Variants in HLA-G observed in about 807,000 individuals in gnomAD.
HLA-G encodes the protein HLA class I histocompatibility antigen, alpha chain G.
A neutral mutation model predicts 39.3 loss-of-function variants in HLA-G; 34 were observed. The observed-to-expected ratio is 0.86, with a 90% CI of 0.66 to 1.15. HLA-G has a LOEUF of 1.15. HLA-G is among the 50% of genes most tolerant of loss of function. The pLI is 0.00. For missense variants in HLA-G, 419 were observed against 456.4 expected, an observed-to-expected ratio of 0.92 and a Z score of 0.75; for synonymous variants, 183 against 185.8, an observed-to-expected ratio of 0.99 and a Z score of 0.12.
upstream of HLA-G, chr6:29,826,925 AC>A: frequency 2.1e-6 from 1 of 471,918 alleles, no homozygotes; most frequent in Non-Finnish European, 4.4e-6. Context: ...AACACTTACA[AC>A]TGTGAGGTGA....
rs1318573438 is a variant in HLA-G at position 29,828,111 on chromosome 6, C to T, written c.138C>T (p.Phe46=). ...VSRPGRGEPR[F]IAMGYVDDTQ... ...GGCCCGGCCGCGGGGAGCCCCGCTT[C>T]ATCGCCATGGGCTACGTGGACGACA... Residue 46 remains phenylalanine (F), a synonymous_variant, in exon 2 of 7, where the codon TTC becomes TTT. Coordinates refer to ENST00000360323, the MANE Select transcript of HLA-G (RefSeq NM_001384290.1). 3 of 1,613,012 alleles carry T rather than the reference C, an allele frequency of 1.9e-6. No homozygotes were observed. The highest frequency in any genetic ancestry group is 2.5e-6 in the Non-Finnish European group (3 of 1,179,786).
rs1197907329 is a variant in HLA-G at position 29,829,538 on chromosome 6, A to ACCAGACCCTGGTCCTGGAGCT, written c.748_749insTGGTCCTGGAGCTCCAGACCC (p.Thr249_Gln250insLeuValLeuGluLeuGlnThr). On this transcript the variant is annotated inframe_insertion, in exon 4 of 7. Transcript: ENST00000360323. ...CTGACCTGGCAGCGGGATGGGGAGG[A>ACCAGACCCTGGTCCTGGAGCT]CCAGACCCAGGACGTGGAGCTCGTG... 6.2e-7 allele frequency: 1 copy of ACCAGACCCTGGTCCTGGAGCT among 1,613,774 alleles called. No homozygotes were observed. Among genetic ancestry groups the ACCAGACCCTGGTCCTGGAGCT allele is most frequent in the Admixed American group, 1.7e-5 (1 of 59,988 alleles).
At chr6:29,829,973 C>A in intron 5 of HLA-G, 41 bp downstream of exon 5, 1 of 1,427,826 alleles carries the variant, frequency 7.0e-7, no homozygotes, top group South Asian at 1.2e-5. Flanking sequence ...TTTTCTTGTC[C>A]CACTGGGGGT....
In HLA-G at chr6:29,828,728, G is replaced by T. The variant is rs1554266536; in HGVS notation, c.529G>T (p.Ala177Ser). 4.3e-6 allele frequency: 7 copies of T among 1,613,924 alleles called. No individual in the cohort carries two copies. The highest frequency in any genetic ancestry group is 5.9e-6 in the Non-Finnish European group (7 of 1,180,036). Reference sequence around the variant, plus strand: ...GCGCAAGTGTGAGGCGGCCAATGTGGCTGAACAAAGGAGAGCCTACCTGGA... The same window carrying T: ...GCGCAAGTGTGAGGCGGCCAATGTGTCTGAACAAAGGAGAGCCTACCTGGA... The part of the protein sequence containing the change: ...SKRKCEAANV[A>S]EQRRAYLEGT... The change falls in exon 3 of 7, where the codon GCT (alanine) becomes TCT (serine). Residue 177 changes from alanine (A) to serine (S), a missense_variant. Around this residue, in one of 2 missense-constraint regions of HLA-G, gnomAD observed 328 missense variants for 323.0 expected, o/e 1.02. Transcript: ENST00000360323.
chr6:29,829,132 T>G (rs1174814368), intron 3 of HLA-G, among the ~76,000 whole-genome samples: 2 of 152,172 alleles, frequency 1.3e-5, no homozygotes, highest in African/African-American at 2.4e-5. Flanking sequence ...GGCCTTGTTC[T>G]CTGCCTCACA....
chr6:29,828,577 C>T lies in HLA-G; in HGVS notation c.378C>T (p.Asp126=), dbSNP rs1760924623. ...SHTLQWMIGC[D]LGSDGRLLRG... ...CCCTCCAGTGGATGATTGGCTGCGA[C>T]CTGGGGTCCGACGGACGCCTCCTCC... The change falls in exon 3 of 7, where the codon GAC becomes GAT. Residue 126 remains aspartate (D), a synonymous_variant. Transcript: ENST00000360323. 1.4e-5 allele frequency: 23 copies of T among 1,613,020 alleles called. No homozygotes were observed. Among genetic ancestry groups the T allele is most frequent in the Non-Finnish European group, 1.9e-5 (23 of 1,179,972 alleles).
Position 29,830,949 on chromosome 6 carries a change from C to T in HLA-G, c.*210C>T, listed in dbSNP as rs1178024352. On this transcript the variant is annotated 3_prime_UTR_variant, in exon 7 of 7. Transcript: ENST00000360323. ...TCCAGAAAAGGGGCTGGGATGTCTC[C>T]GTCTCTGTCTCAAATTTGTGGTCCA... 10 of 233,898 alleles carry T rather than the reference C, an allele frequency of 4.3e-5. 1 individual carries two copies. The highest frequency in any genetic ancestry group is 1.1e-4 in the African/African-American group (5 of 43,826). The allele number at this position is 233,898 out of a possible 1,614,324, so 14.5% of individuals were successfully genotyped here.
Position 29,827,921 on chromosome 6 carries a change from AGTGC to A in HLA-G, c.73+6_73+9del. 1 of 1,609,482 alleles carries A rather than the reference AGTGC, an allele frequency of 6.2e-7. No homozygotes were observed. Among genetic ancestry groups the A allele is most frequent in the Non-Finnish European group, 8.5e-7 (1 of 1,178,338 alleles). On this transcript the variant is annotated splice_donor_5th_base_variant and intron_variant, in intron 1 of 6. Transcript: ENST00000360323. ...ACCCTGACCGAGACCTGGGCGGGTGAGTGCGGGGTCAGGAGGGAAACAGCCCCTG... is the reference window on the plus strand; with the variant it reads ...ACCCTGACCGAGACCTGGGCGGGTGAGGGGTCAGGAGGGAAACAGCCCCTG...
Position 29,828,663 on chromosome 6 carries a change from G to A in HLA-G, c.464G>A (p.Arg155His), listed in dbSNP as rs573608167. The A allele has an allele frequency of 1.2e-6, 2 of 1,613,512 alleles. No individual in the cohort carries two copies. Among genetic ancestry groups the A allele is most frequent in the South Asian group, 2.2e-5 (2 of 91,080 alleles). The change falls in exon 3 of 7, where the codon CGC (arginine) becomes CAC (histidine). Residue 155 changes from arginine to histidine, a missense_variant. Arg to His is a conservative substitution (Grantham distance 29). This residue lies in a region of HLA-G where 328 missense variants were observed against 323.0 expected (regional missense o/e 1.02). Transcript: ENST00000360323. ...TACCTCGCCCTGAACGAGGACCTGC[G>A]CTCCTGGACCGCAGCGGACACTGCG... is the stretch of plus-strand genomic sequence containing the variant. ...KDYLALNEDL[R>H]SWTAADTAAQ... is the part of the protein sequence containing the mutation.
At position 29,828,086 on chromosome 6, in the gene HLA-G, G is replaced by C; in HGVS notation, c.113G>C (p.Arg38Pro). The part of the protein sequence containing the change: ...SMRYFSAAVS[R>P]PGRGEPRFIA... Reference sequence around the variant, plus strand: ...AGGTATTTCAGCGCCGCCGTGTCCCGGCCCGGCCGCGGGGAGCCCCGCTTC... The same window carrying C: ...AGGTATTTCAGCGCCGCCGTGTCCCCGCCCGGCCGCGGGGAGCCCCGCTTC... Residue 38 changes from arginine to proline, a missense_variant, in exon 2 of 7, where the codon CGG (arginine) becomes CCG (proline). Arg to Pro is a moderately radical substitution (Grantham distance 103). Coordinates refer to ENST00000360323, the MANE Select transcript of HLA-G (RefSeq NM_001384290.1). 2 of 1,612,150 alleles carry C rather than the reference G, an allele frequency of 1.2e-6. No individual in the cohort carries two copies. Among genetic ancestry groups the C allele is most frequent in the Non-Finnish European group, 8.5e-7 (1 of 1,179,600 alleles).
intron 6 of HLA-G, 119 bp from the exon 7 acceptor site, chr6:29,830,649 G>T: frequency 1.5e-6 from 1 of 677,140 alleles, no homozygotes; most frequent in Non-Finnish European, 2.8e-6. Flanking sequence ...GGGGAACAGG[G>T]GACATAGCTG....
In HLA-G at chr6:29,828,580, G is replaced by C. The variant is rs1302437846; in HGVS notation, c.381G>C (p.Leu127=). The stretch of plus-strand genomic sequence containing the variant: ...TCCAGTGGATGATTGGCTGCGACCT[G>C]GGGTCCGACGGACGCCTCCTCCGCG... ...HTLQWMIGCD[L]GSDGRLLRGY... is the part of the protein sequence containing the mutation. The change falls in exon 3 of 7, where the codon CTG becomes CTC. Residue 127 remains leucine (L), a synonymous_variant. Coordinates refer to ENST00000360323, the MANE Select transcript of HLA-G (RefSeq NM_001384290.1). The C allele has an allele frequency of 1.2e-6, 2 of 1,612,960 alleles. No homozygotes were observed. The highest frequency in any genetic ancestry group is 1.1e-5 in the South Asian group (1 of 91,070).
In HLA-G at chr6:29,828,171, T is replaced by G; in HGVS notation, c.198T>G (p.Cys66Trp). ...TGCGGTTCGACAGCGACTCGGCGTG[T>G]CCGAGGATGGAGCCGCGGGCGCCGT... The part of the protein sequence containing the change: ...QFVRFDSDSA[C>W]PRMEPRAPWV... Residue 66 changes from cysteine (C) to tryptophan (W), a missense_variant, in exon 2 of 7, where the codon TGT becomes TGG. Around this residue, in one of 2 missense-constraint regions of HLA-G, gnomAD observed 91 missense variants for 133.4 expected, o/e 0.68. Coordinates refer to ENST00000360323, the MANE Select transcript of HLA-G (RefSeq NM_001384290.1). 6.2e-7 allele frequency: 1 copy of G among 1,613,072 alleles called. No individual in the cohort carries two copies. Among genetic ancestry groups the G allele is most frequent in the Non-Finnish European group, 8.5e-7 (1 of 1,179,790 alleles).
At chr6:29,829,341 G>T in intron 3 of HLA-G, 77 bp from the exon 4 acceptor site, 1 of 1,496,280 alleles carries the variant, frequency 6.7e-7, no homozygotes, top group Non-Finnish European at 9.1e-7. Context: ...TCATTCTTAG[G>T]ATGGTCACAT....
rs41557518 is a variant in HLA-G, at chr6:29,828,657, AC to A, written c.460del (p.Leu154CysfsTer60). ...DGKDYLALNE[D>X]LRSWTAADTA... ...AAGGATTACCTCGCCCTGAACGAGG[AC>A]CTGCGCTCCTGGACCGCAGCGGACA... On this transcript the variant is annotated frameshift_variant, in exon 3 of 7. Transcript: ENST00000360323. LOFTEE classifies it high-confidence loss of function. The A allele has an allele frequency of 0.014, 23,231 of 1,613,460 alleles. 347 individuals are homozygous for A. The highest frequency in any genetic ancestry group is 0.071 in the African/African-American group (5,327 of 75,042).
rs761148652 is a variant in HLA-G at position 29,829,817 on chromosome 6, G to T, written c.897G>T (p.Lys299Asn). 2.5e-6 allele frequency: 4 copies of T among 1,612,690 alleles called. No homozygotes were observed. Among genetic ancestry groups the T allele is most frequent in the Non-Finnish European group, 3.4e-6 (4 of 1,179,050 alleles). ...CCTCACCTTCACCTCCTTTCCCAGA[G>T]CAGTCTTCCCTGCCCACCATCCCCA... The part of the protein sequence containing the change: ...GLPEPLMLRW[K>N]QSSLPTIPIM... The change falls in exon 5 of 7, where the codon AAG (lysine) becomes AAT (asparagine). Residue 299 changes from lysine (K) to asparagine (N), a missense_variant and splice_region_variant. Lys to Asn is a moderately conservative substitution (Grantham distance 94). Around this residue, in one of 2 missense-constraint regions of HLA-G, gnomAD observed 328 missense variants for 323.0 expected, o/e 1.02. Transcript: ENST00000360323.
upstream of HLA-G, among the ~76,000 whole-genome samples, chr6:29,826,610 G>A (rs1158079182): frequency 4.6e-5 from 7 of 152,172 alleles, no homozygotes; most frequent in Non-Finnish European, 1.0e-4. Flanking sequence ...ACGGAGGGAA[G>A]GGCTGGAGGA....
upstream of HLA-G, chr6:29,827,572 G>A: frequency 2.1e-6 from 1 of 474,528 alleles, no homozygotes; most frequent in South Asian, 2.0e-5. Context: ...CACAAGAGTA[G>A]CGGGGTCAGG....
Position 29,830,749 on chromosome 6 carries a change from C to A in HLA-G, c.*29-19C>A. ...TCACTGTGACTGATATGAATTTGTT[C>A]ATGAATATTTTTCTGTAGTGTGAAA... On this transcript the variant is annotated intron_variant, in intron 6 of 6. Transcript: ENST00000360323. The A allele has an allele frequency of 1.9e-6, 1 of 533,678 alleles. No individual in the cohort carries two copies. The highest frequency in any genetic ancestry group is 1.5e-5 in the South Asian group (1 of 66,628). 33.1% of individuals were successfully genotyped at this position (533,678 alleles called of 1,614,324 possible). A position where few individuals can be genotyped will look rare whatever the true frequency, so the allele number is the denominator to read the frequency against.
Sources: gnomAD v4.1 joint callset for allele counts (sites outside exome capture counted in the v4.1 genomes callset) on GRCh38, gnomAD v4.1.1 for gene constraint, gnomAD v4.1.1 regional missense constraint, MANE v1.5 for transcripts, NCBI Gene and HGNC (gene_info 2026-07-23, HGNC 2026-07-21) for gene names.